The following LAMA1 variants were observed in gnomAD, a reference collection of about 807,000 sequenced individuals.
LAMA1 encodes laminin subunit alpha 1.
A neutral mutation model predicts 348.7 loss-of-function variants in LAMA1; 219 were observed. That is an observed-to-expected ratio of 0.63 (90% CI 0.56 to 0.70). The LOEUF is 0.70. Ranked by LOEUF, LAMA1 falls within the 30% of genes least tolerant of loss-of-function variation. The pLI, the probability that LAMA1 is intolerant of heterozygous loss-of-function variation, is 0.00. For missense variants in LAMA1, 3,744 were observed against 3,888.0 expected (o/e 0.96, Z 0.99); for synonymous variants, 1,487 against 1,491.0 (o/e 1.00, Z 0.06).
At position 6,966,175 on chromosome 18, in the gene LAMA1, A is replaced by G; in HGVS notation, c.7022T>C (p.Leu2341Pro). The part of the protein sequence containing the change: ...MLFNTFSPNG[L>P]LLYLGSYGTK... The stretch of plus-strand genomic sequence containing the variant: ...GCCGTATGAACCCAGGTAGAGAAGA[A>G]GTCCATTAGGTGAAAAGGTATTAAA... The change falls in exon 49 of 63, where the codon CTT becomes CCT. Residue 2341 changes from leucine to proline, a missense_variant. This residue lies in a region of LAMA1 where 1,983 missense variants were observed against 1,934.3 expected (regional missense o/e 1.03). Coordinates refer to ENST00000389658, the MANE Select transcript of LAMA1 (RefSeq NM_005559.4). 1 of 1,614,216 alleles carries G rather than the reference A, an allele frequency of 6.2e-7. No individual in the cohort carries two copies. Among genetic ancestry groups the G allele is most frequent in the South Asian group, 1.1e-5 (1 of 91,076 alleles).
chr18:7,110,271 A>G (rs915356479), intron 1 of LAMA1, among the ~76,000 whole-genome samples: 1 of 152,182 alleles, frequency 6.6e-6, no homozygotes, highest in Non-Finnish European at 1.5e-5. Flanking sequence ...ACAGAGAGAA[A>G]CTAAAACAAA....
At chr18:6,971,753 C>T in intron 48 of LAMA1, 104 bp downstream of exon 48, 1 of 1,522,196 alleles carries the variant, frequency 6.6e-7, no homozygotes, top group Non-Finnish European at 9.1e-7. Context: ...CCAGCGATAT[C>T]ACAAACTCTA....
intron 19 of LAMA1, among the ~76,000 whole-genome samples, chr18:7,022,512 T>C (rs2057922468): frequency 6.6e-6 from 1 of 152,242 alleles, no homozygotes; most frequent in South Asian, 2.1e-4. Flanking sequence ...AGTACCATAG[T>C]ATGACTGGCG....
chr18:6,961,839 C>T (rs891701425), intron 52 of LAMA1, 80 bp from the exon 53 acceptor site: 13 of 1,576,412 alleles, frequency 8.2e-6, no homozygotes, highest in Non-Finnish European at 1.1e-5. Flanking sequence ...CTGCTGATTT[C>T]CCCATCATCT....
chr18:6,959,571 A>C (rs1034090915), intron 53 of LAMA1, 79 bp from the exon 54 acceptor site: 47 of 1,473,298 alleles, frequency 3.2e-5, no homozygotes, highest in Non-Finnish European at 4.4e-5. Context: ...TATGAAGATA[A>C]CGTGAGAAGA....
rs548798720 is a variant in LAMA1, at chr18:6,986,215, G to C, written c.5301C>G (p.Leu1767=). ...GCATCTTTGCCTCAGCTTCCCTCACGAGCGCCTCAGCCGCCTTTAGTTCAT... is the reference window on the plus strand; with the variant it reads ...GCATCTTTGCCTCAGCTTCCCTCACCAGCGCCTCAGCCGCCTTTAGTTCAT... ...HNNELKAAEA[L]VREAEAKMQE... is the part of the protein sequence containing the mutation. Residue 1767 remains leucine (L), a synonymous_variant, in exon 37 of 63, where the codon CTC becomes CTG. Coordinates refer to ENST00000389658, the MANE Select transcript of LAMA1 (RefSeq NM_005559.4). 9.7e-5 allele frequency: 156 copies of C among 1,614,142 alleles called. 3 individuals carry two copies. The South Asian group carries it at 1.7e-3, about 17-fold the overall frequency.
At chr18:7,061,634 G>C (rs1040290517) in intron 3 of LAMA1, among the ~76,000 whole-genome samples, 2 of 152,248 alleles carry the variant, frequency 1.3e-5, no homozygotes, top group Non-Finnish European at 2.9e-5. Flanking sequence ...TGTTGGGACA[G>C]TGGTGGCAAT....
chr18:7,024,620 C>T (rs916231992), intron 17 of LAMA1, among the ~76,000 whole-genome samples, 154 bp from the exon 18 acceptor site: 1 of 152,186 alleles, frequency 6.6e-6, no homozygotes, highest in Non-Finnish European at 1.5e-5. Context: ...CCCAGCCCAC[C>T]CTGTGAGTCT....
In LAMA1 at chr18:7,095,559, T is replaced by C. The variant is rs374949864; in HGVS notation, c.62-15102A>G. Among the ~76,000 whole-genome samples, 37 of 152,314 alleles carry C rather than the reference T, an allele frequency of 2.4e-4. No homozygotes were observed. In the East Asian group the frequency reaches 5.4e-3, roughly 22 times the overall value. On this transcript the variant is annotated intron_variant, in intron 1 of 62. Coordinates refer to ENST00000389658, the MANE Select transcript of LAMA1 (RefSeq NM_005559.4). The stretch of plus-strand genomic sequence containing the variant: ...AAGGCTGGCAAGTTTAAGGGCCTCA[T>C]TGGTTTCCAGGAGAGTGCCAGCTCT...
intron 21 of LAMA1, 120 bp downstream of exon 21, chr18:7,016,371 T>C (rs181585187): frequency 3.8e-5 from 43 of 1,117,052 alleles, no homozygotes; most frequent in Admixed American, 3.2e-4. Flanking sequence ...TATGAAATCC[T>C]CCAGGGAAAG....
chr18:6,957,700 A>T (rs1300503927), intron 55 of LAMA1, among the ~76,000 whole-genome samples: 1 of 152,136 alleles, frequency 6.6e-6, no homozygotes, highest in Non-Finnish European at 1.5e-5. Flanking sequence ...GCAGAGGGTG[A>T]GCAAGGAGGA....
At chr18:6,981,057 C>T (rs565553573) in intron 41 of LAMA1, among the ~76,000 whole-genome samples, 3 of 150,946 alleles carry the variant, frequency 2.0e-5, no homozygotes, top group East Asian at 3.9e-4. Flanking sequence ...GAGCTGAGAT[C>T]GTGCCACTGC....
chr18:7,110,441 G>A (rs1177710768), intron 1 of LAMA1, among the ~76,000 whole-genome samples: 3 of 152,150 alleles, frequency 2.0e-5, no homozygotes, highest in South Asian at 2.1e-4. Context: ...GAGAAAGAAC[G>A]AATTCCTTGT....
chr18:7,017,460 G>T, intron 19 of LAMA1, 76 bp from the exon 20 acceptor site: 1 of 835,686 alleles, frequency 1.2e-6, no homozygotes, highest in Non-Finnish European at 1.9e-6. Flanking sequence ...ATCCCCAAAG[G>T]AAAAAAAAAA....
Position 7,016,738 on chromosome 18 carries a change from T to C in LAMA1, c.2809-67A>G, listed in dbSNP as rs937182163. On this transcript the variant is annotated intron_variant, in intron 20 of 62. Transcript: ENST00000389658. ...TTTAATAAATGACTCCTCATATTAG[T>C]ATGTTCCAGAACACACACAGGGTAT... The C allele has an allele frequency of 2.9e-6, 4 of 1,373,654 alleles. No individual in the cohort carries two copies. The African/African-American group carries it at 5.7e-5, about 20-fold the overall frequency. 85.1% of individuals were successfully genotyped at this position (1,373,654 alleles called of 1,614,324 possible). A position where few individuals can be genotyped will look rare whatever the true frequency, so the allele number is the denominator to read the frequency against.
intron 3 of LAMA1, among the ~76,000 whole-genome samples, chr18:7,069,484 C>T (rs372904227): frequency 5.9e-5 from 9 of 152,306 alleles, no homozygotes; most frequent in East Asian, 5.8e-4. Context: ...ACCCCTCCTC[C>T]GGTTGACGGG....
At chr18:7,057,376 A>G (rs956298938) in intron 3 of LAMA1, among the ~76,000 whole-genome samples, 2 of 152,096 alleles carry the variant, frequency 1.3e-5, no homozygotes, top group African/African-American at 2.4e-5. Flanking sequence ...AAAAGGAAAG[A>G]AATCCCAGGC....
chr18:7,016,491 G>A lies in LAMA1; in HGVS notation c.2989C>T (p.Pro997Ser), dbSNP rs148593258. 751 of 1,614,162 alleles carry A rather than the reference G, an allele frequency of 4.7e-4. 6 individuals are homozygous for A. The African/African-American group carries it at 6.9e-3, about 15-fold the overall frequency. The change falls in exon 21 of 63, where the codon CCC becomes TCC. Residue 997 changes from proline (P) to serine (S), a missense_variant and splice_region_variant. By Grantham distance (74) the Pro-to-Ser change is moderately conservative. Coordinates refer to ENST00000389658, the MANE Select transcript of LAMA1 (RefSeq NM_005559.4). The stretch of plus-strand genomic sequence containing the variant: ...CTCAAACAAGGAAATCAAGGCTTAC[G>A]TGTACAGCTACCATCCTGGTAGGCG... ...FYAYQDGSCTPCDCPHTQNTC... is the reference protein window; with the variant it reads ...FYAYQDGSCTSCDCPHTQNTC...
chr18:7,080,588 A>C, intron 1 of LAMA1, 131 bp from the exon 2 acceptor site: 1 of 921,374 alleles, frequency 1.1e-6, no homozygotes, highest in East Asian at 2.6e-5. Flanking sequence ...TCCTTACACA[A>C]ACACCGTATA....
Sources: allele counts gnomAD v4.1 joint callset (sites outside exome capture counted in the v4.1 genomes callset), GRCh38; gene constraint gnomAD v4.1.1; regional missense constraint gnomAD v4.1.1; transcripts MANE v1.5; gene names NCBI Gene and HGNC (gene_info 2026-07-23, HGNC 2026-07-21).